FAXC: variants seen among roughly 807,000 people sequenced by gnomAD.
FAXC encodes the protein failed axon connections homolog.
A neutral mutation model predicts 41.9 loss-of-function variants in FAXC; 10 were observed. The ratio of observed to expected loss-of-function variants is 0.24; its 90% confidence interval spans 0.15 to 0.41. The LOEUF (loss-of-function observed/expected upper bound fraction) is 0.41, where lower values mean the gene tolerates loss of function less well. Ranked by LOEUF, FAXC falls within the 10% of genes least tolerant of loss-of-function variation. FAXC has a pLI of 1.00. For synonymous variants in FAXC, 183 were observed against 183.8 expected (o/e 1.00, Z 0.03); for missense variants, 399 against 510.9 (o/e 0.78, Z 2.11).
intron 4 of FAXC, among the ~76,000 whole-genome samples, chr6:99,308,821 A>G (rs1772039383): frequency 6.6e-6 from 1 of 152,214 alleles, no homozygotes; most frequent in Non-Finnish European, 1.5e-5. Context: ...CGGAAATAGG[A>G]AATAGTTACT....
At chr6:99,283,262 C>T (rs1161705546) in intron 5 of FAXC, among the ~76,000 whole-genome samples, 1 of 152,178 alleles carries the variant, frequency 6.6e-6, no homozygotes, top group Admixed American at 6.5e-5. Context: ...ATGATTTCAT[C>T]GATCCAAGAT....
intron 5 of FAXC, 45 bp from the exon 6 acceptor site, chr6:99,281,498 A>G (rs776418904): frequency 7.0e-6 from 10 of 1,434,618 alleles, no homozygotes; most frequent in Non-Finnish European, 9.7e-6. Context: ...CAAAGGCAGC[A>G]GTCTACCACT....
intron 2 of FAXC, among the ~76,000 whole-genome samples, chr6:99,337,804 T>C (rs1171003902): frequency 1.3e-5 from 2 of 152,214 alleles, no homozygotes; most frequent in Non-Finnish European, 2.9e-5. Flanking sequence ...TTTTTAAAAA[T>C]AAGCCTTTTG....
In FAXC at chr6:99,319,316, G is replaced by A. The variant is rs115224331; in HGVS notation, c.823+4128C>T. On this transcript the variant is annotated intron_variant, in intron 4 of 5. Transcript: ENST00000389677. Reference sequence around the variant, plus strand: ...TACGAGGGTGAGACAGGAGAATGGCGTGATCCCGCGAAGCGGAGCTTGCAG... The same window carrying A: ...TACGAGGGTGAGACAGGAGAATGGCATGATCCCGCGAAGCGGAGCTTGCAG... Among the ~76,000 whole-genome samples, 1,225 of 151,118 alleles carry A rather than the reference G, an allele frequency of 8.1e-3. 17 individuals are homozygous for A. Among genetic ancestry groups the A allele is most frequent in the African/African-American group, 0.024 (997 of 41,130 alleles).
At position 99,293,696 on chromosome 6, in the gene FAXC, GTGTGTGTGTGTGTGTGTC is replaced by G. The variant is rs1402096669; in HGVS notation, c.824-1894_824-1877del. On this transcript the variant is annotated intron_variant, in intron 4 of 5. Coordinates refer to ENST00000389677, the MANE Select transcript of FAXC (RefSeq NM_032511.4). The stretch of plus-strand genomic sequence containing the variant: ...TGTGTGTGTGTGTGTGTGTGTGTGT[GTGTGTGTGTGTGTGTGTC>G]TGTGTGTGTGTGTGTGTGTGTGCAT... Among the ~76,000 whole-genome samples the G allele has an allele frequency of 3.3e-3, 459 of 140,286 alleles. 1 individual carries two copies. The highest frequency in any genetic ancestry group is 2.7e-3 in the African/African-American group (99 of 36,668). 92.0% of individuals were successfully genotyped at this position (140,286 alleles called of 152,430 possible).
chr6:99,347,457 CCTT>C (rs2128466633), intron 1 of FAXC, among the ~76,000 whole-genome samples: 1 of 151,872 alleles, frequency 6.6e-6, no homozygotes, highest in South Asian at 2.1e-4. Flanking sequence ...GGATTAAACT[CCTT>C]AGTCCAAATA....
intron 4 of FAXC, among the ~76,000 whole-genome samples, chr6:99,292,645 G>A (rs968035206): frequency 3.9e-5 from 6 of 152,176 alleles, no homozygotes; most frequent in Admixed American, 6.5e-5. Context: ...TGATCATCAC[G>A]TAACCTCTAC....
rs984049543 is a variant in FAXC, at chr6:99,275,214, A to C, written c.*5950T>G. The stretch of plus-strand genomic sequence containing the variant: ...TGAATTAGTCACATTTAGTAGCACA[A>C]CTTTTTATAAAGTTAACTGATTATG... On this transcript the variant is annotated 3_prime_UTR_variant, in exon 6 of 6. Coordinates refer to ENST00000389677, the MANE Select transcript of FAXC (RefSeq NM_032511.4). 1.3e-5 allele frequency: 2 copies of C among 152,216 alleles called. No individual in the cohort carries two copies. The highest frequency in any genetic ancestry group is 2.9e-5 in the Non-Finnish European group (2 of 68,048). The allele number at this position is 152,216 out of a possible 1,614,324, so 9.4% of individuals were successfully genotyped here. A position where few individuals can be genotyped will look rare whatever the true frequency, so the allele number is the denominator to read the frequency against.
intron 4 of FAXC, among the ~76,000 whole-genome samples, chr6:99,309,177 A>G (rs1278880746): frequency 1.3e-5 from 2 of 152,194 alleles, no homozygotes; most frequent in Admixed American, 1.3e-4. Flanking sequence ...GATTTTTTAA[A>G]GACTATTGTC....
chr6:99,337,914 A>G (rs1285537843), intron 2 of FAXC, among the ~76,000 whole-genome samples: 1 of 152,212 alleles, frequency 6.6e-6, no homozygotes, highest in East Asian at 1.9e-4. Flanking sequence ...GAGCACTGGC[A>G]TTTTAATCTT....
chr6:99,291,041 A>T (rs1447284097), intron 5 of FAXC, among the ~76,000 whole-genome samples: 1 of 152,024 alleles, frequency 6.6e-6, no homozygotes, highest in Admixed American at 6.5e-5. Context: ...CGAACTCCTG[A>T]CTTTGTGATC....
At chr6:99,281,815 C>T (rs549157329) in intron 5 of FAXC, among the ~76,000 whole-genome samples, 13 of 152,360 alleles carry the variant, frequency 8.5e-5, no homozygotes, top group African/African-American at 3.1e-4. Flanking sequence ...ATTTCCCAGA[C>T]TTTTCCAGAC....
At position 99,278,400 on chromosome 6, in the gene FAXC, T is replaced by G. The variant is rs142588738; in HGVS notation, c.*2764A>C. 9.7e-4 allele frequency: 147 copies of G among 152,312 alleles called. No homozygotes were observed. Among genetic ancestry groups the G allele is most frequent in the African/African-American group, 3.4e-3 (140 of 41,560 alleles). The allele number at this position is 152,312 out of a possible 1,614,324, so 9.4% of individuals were successfully genotyped here. ...GGTCTGTTGTCCAACCAAAAGCATC[T>G]GTTAACATTAAAGATCACATACTTC... On this transcript the variant is annotated 3_prime_UTR_variant, in exon 6 of 6. Transcript: ENST00000389677.
chr6:99,337,937 C>T (rs1176423649), intron 2 of FAXC, among the ~76,000 whole-genome samples: 2 of 152,080 alleles, frequency 1.3e-5, no homozygotes, highest in East Asian at 1.9e-4. Flanking sequence ...TAAAATGGCA[C>T]AGGCAAAAGA....
chr6:99,288,186 G>T (rs1219411316), intron 5 of FAXC, among the ~76,000 whole-genome samples: 1 of 152,246 alleles, frequency 6.6e-6, no homozygotes, highest in African/African-American at 2.4e-5. Flanking sequence ...TGTAGAGTCT[G>T]TGAGTTCTAC....
Position 99,278,547 on chromosome 6 carries a change from T to C in FAXC, c.*2617A>G, listed in dbSNP as rs1050343316. The C allele has an allele frequency of 4.6e-5, 7 of 152,224 alleles. No individual in the cohort carries two copies. Among genetic ancestry groups the C allele is most frequent in the Non-Finnish European group, 1.0e-4 (7 of 68,046 alleles). 9.4% of individuals were successfully genotyped at this position (152,224 alleles called of 1,614,324 possible). ...CACCTGTTCATGAAATTGGAGAACA[T>C]TTCAAATCTGGGTAGCTTAAGAATG... On this transcript the variant is annotated 3_prime_UTR_variant, in exon 6 of 6. Transcript: ENST00000389677.
chr6:99,314,402 C>A (rs1388844535), intron 4 of FAXC, among the ~76,000 whole-genome samples: 2 of 152,110 alleles, frequency 1.3e-5, no homozygotes, highest in African/African-American at 4.8e-5. Context: ...TACAAAACCC[C>A]GTCTCTACAA....
chr6:99,333,595 A>G, intron 2 of FAXC, 48 bp from the exon 3 acceptor site: 1 of 1,420,562 alleles, frequency 7.0e-7, no homozygotes, highest in Non-Finnish European at 9.6e-7. Context: ...TTGTATTTAA[A>G]TTCCACTGCA....
At position 99,291,764 on chromosome 6, in the gene FAXC, CA is replaced by C; in HGVS notation, c.879del (p.Phe293LeufsTer19). The part of the protein sequence containing the change: ...PKLSTLDATV[F>X]GHLAQAMWTL... ...GTCCACATTGCCTGTGCCAAGTGTC[CA>C]AAGACAGTGGCGTCAAGAGTGGAAA... On this transcript the variant is annotated frameshift_variant, in exon 5 of 6. Transcript: ENST00000389677. LOFTEE classifies it high-confidence loss of function. 1 of 1,614,104 alleles carries C rather than the reference CA, an allele frequency of 6.2e-7. No homozygotes were observed. Among genetic ancestry groups the C allele is most frequent in the Non-Finnish European group, 8.5e-7 (1 of 1,180,020 alleles).
Sources: allele counts gnomAD v4.1 joint callset (sites outside exome capture counted in the v4.1 genomes callset), GRCh38; gene constraint gnomAD v4.1.1; transcripts MANE v1.5; gene names NCBI Gene and HGNC (gene_info 2026-07-23, HGNC 2026-07-21).